Variants in KLF8 observed in about 807,000 individuals in gnomAD.
The protein encoded by KLF8 is Krueppel-like factor 8.
Under a neutral mutation model 18.2 loss-of-function variants are expected in KLF8, and 10 were observed. The ratio of observed to expected loss-of-function variants is 0.55; its 90% CI spans 0.34 to 0.93. The LOEUF (loss-of-function observed/expected upper bound fraction) is 0.93. Ranked by LOEUF, KLF8 falls within the 40% of genes least tolerant of loss-of-function variation. The pLI is 0.02. For synonymous variants in KLF8, 109 were observed against 97.3 expected (o/e 1.12, Z -0.71); for missense variants, 264 against 277.9 (o/e 0.95, Z 0.36).
the KLF8 span, among the ~76,000 whole-genome samples, chrX:55,929,594 A>T: frequency 8.9e-6 from 1 of 112,066 alleles, no homozygotes; most frequent in Non-Finnish European, 1.9e-5. Context: ...ATGGCTATCC[A>T]GTTTTCCCAA....
the KLF8 span, among the ~76,000 whole-genome samples, chrX:55,955,098 CTT>C: frequency 9.0e-6 from 1 of 111,176 alleles, no homozygotes; most frequent in Non-Finnish European, 1.9e-5. Flanking sequence ...TTTACTAAAA[CTT>C]ATTAAATTAT....
the KLF8 span, among the ~76,000 whole-genome samples, chrX:56,182,743 C>T: frequency 8.9e-6 from 1 of 112,469 alleles, no homozygotes; most frequent in Admixed American, 9.4e-5. Context: ...CCCTCCAGAC[C>T]CTGTTTGCCT....
chrX:56,127,098 G>A, the KLF8 span, among the ~76,000 whole-genome samples: 1 of 110,404 alleles, frequency 9.1e-6, no homozygotes, highest in Non-Finnish European at 1.9e-5. Context: ...TTCAAATAGT[G>A]CCTCCCAGAG....
At chrX:56,245,818 C>G (rs974954855) in intron 1 of KLF8, among the ~76,000 whole-genome samples, 1 of 111,834 alleles carries the variant, frequency 8.9e-6, no homozygotes, top group Non-Finnish European at 1.9e-5. Context: ...CTCTCTTAGG[C>G]ACTTAGAGCA....
At chrX:56,071,781 G>A in the KLF8 span, among the ~76,000 whole-genome samples, 2 of 111,840 alleles carry the variant, frequency 1.8e-5, no homozygotes, top group East Asian at 5.6e-4. Context: ...AAATCTCCAG[G>A]ATTGTGAATC....
chrX:55,954,865 A>G, the KLF8 span, among the ~76,000 whole-genome samples: 2 of 111,823 alleles, frequency 1.8e-5, no homozygotes, highest in African/African-American at 6.5e-5. Flanking sequence ...GGGCAGGATG[A>G]ACCTTAAAAC....
chrX:55,996,285 C>A, the KLF8 span, among the ~76,000 whole-genome samples: 1 of 111,280 alleles, frequency 9.0e-6, no homozygotes, highest in African/African-American at 3.3e-5. Context: ...TTTTTAGATT[C>A]TTTTGGATTC....
the KLF8 span, among the ~76,000 whole-genome samples, chrX:55,921,413 A>G: frequency 4.5e-5 from 5 of 111,750 alleles, no homozygotes; most frequent in Non-Finnish European, 9.4e-5. Flanking sequence ...CTGTTTTTGT[A>G]TGGGTACCAT....
chrX:56,061,159 T>G, the KLF8 span, among the ~76,000 whole-genome samples: 2 of 111,841 alleles, frequency 1.8e-5, no homozygotes, highest in African/African-American at 3.3e-5. Flanking sequence ...TGTGTCTCTA[T>G]CTCCTTCAAT....
At chrX:56,029,207 G>A in the KLF8 span, among the ~76,000 whole-genome samples, 1 of 110,410 alleles carries the variant, frequency 9.1e-6, no homozygotes, top group African/African-American at 3.3e-5. Flanking sequence ...TCCTGACCTG[G>A]CTCGGTTAGA....
chrX:55,984,429 G>T, the KLF8 span, among the ~76,000 whole-genome samples: 1 of 111,499 alleles, frequency 9.0e-6, no homozygotes, highest in Non-Finnish European at 1.9e-5. Flanking sequence ...TCCCTGCAAA[G>T]GACATGATCT....
chrX:56,189,337 G>C, the KLF8 span, among the ~76,000 whole-genome samples: 1 of 111,897 alleles, frequency 8.9e-6, no homozygotes, highest in Non-Finnish European at 1.9e-5. Context: ...TCTCACACCA[G>C]TTAGAATGGC....
the KLF8 span, among the ~76,000 whole-genome samples, chrX:56,124,378 C>A: frequency 8.9e-6 from 1 of 111,807 alleles, no homozygotes; most frequent in African/African-American, 3.2e-5. Context: ...TGCCCAAGGT[C>A]GTACAACTTG....
the KLF8 span, among the ~76,000 whole-genome samples, chrX:56,127,603 C>T: frequency 9.0e-6 from 1 of 111,417 alleles, no homozygotes; most frequent in Non-Finnish European, 1.9e-5. Flanking sequence ...GAGGTTGAGG[C>T]TGCAGTGAGC....
At chrX:56,239,325 C>T (rs1215600605) in intron 1 of KLF8, among the ~76,000 whole-genome samples, 1 of 112,233 alleles carries the variant, frequency 8.9e-6, no homozygotes, top group Non-Finnish European at 1.9e-5. Flanking sequence ...TGCCAATGTA[C>T]ACTCTGTATT....
chrX:55,952,420 GT>G, the KLF8 span, among the ~76,000 whole-genome samples: 1 of 112,189 alleles, frequency 8.9e-6, no homozygotes, highest in Non-Finnish European at 1.9e-5. Context: ...TAAAATCAAA[GT>G]GTTGGATACT....
the KLF8 span, among the ~76,000 whole-genome samples, chrX:56,022,999 A>C: frequency 8.1e-5 from 9 of 111,605 alleles, no homozygotes; most frequent in Non-Finnish European, 1.3e-4. Context: ...TGGTGCAAAC[A>C]TTAGGTTAAC....
At chrX:55,991,857 A>T in the KLF8 span, among the ~76,000 whole-genome samples, 11 of 112,162 alleles carry the variant, frequency 9.8e-5, no homozygotes, top group Non-Finnish European at 1.5e-4. Context: ...ATGATTAGTG[A>T]TGCTTAGTAT....
the KLF8 span, among the ~76,000 whole-genome samples, chrX:56,102,467 G>GT: frequency 1.5e-3 from 163 of 111,336 alleles, 1 homozygote; most frequent in Middle Eastern, 0.051. Flanking sequence ...TTTTAGAATA[G>GT]TTTTTTTCCC....
Sources: allele counts gnomAD v4.1 joint callset (sites outside exome capture counted in the v4.1 genomes callset), GRCh38; gene constraint gnomAD v4.1.1; transcripts MANE v1.5; gene names NCBI Gene and HGNC (gene_info 2026-07-23, HGNC 2026-07-21).